Variants in PLEKHD1 observed in about 807,000 individuals in gnomAD.
The protein encoded by PLEKHD1 is pleckstrin homology domain-containing family D member 1.
Under a neutral mutation model 69.2 loss-of-function variants are expected in PLEKHD1, and 51 were observed. The ratio of observed to expected loss-of-function variants is 0.74; its 90% CI spans 0.59 to 0.93. PLEKHD1 has a LOEUF of 0.93. Among genes scored for constraint, PLEKHD1 ranks in the 40% least tolerant of loss-of-function variants. The probability of loss-of-function intolerance (pLI) is 0.00; values close to 1 mark genes in which losing one functional copy is unlikely to be tolerated. For synonymous variants in PLEKHD1, 236 were observed against 244.7 expected (o/e 0.96, Z 0.33); for missense variants, 584 against 641.0 (o/e 0.91, Z 0.96).
intron 1 of PLEKHD1, among the ~76,000 whole-genome samples, chr14:69,494,140 A>C (rs1465554095): frequency 6.6e-6 from 1 of 152,222 alleles, no homozygotes; most frequent in Non-Finnish European, 1.5e-5. Context: ...AAAAGTAATC[A>C]TTTATTAAAT....
intron 6 of PLEKHD1, among the ~76,000 whole-genome samples, chr14:69,506,233 T>C (rs1032790583): frequency 1.3e-5 from 2 of 152,248 alleles, no homozygotes; most frequent in Non-Finnish European, 2.9e-5. Flanking sequence ...TGAGCTGAAG[T>C]GTGCCTTCTA....
intron 1 of PLEKHD1, among the ~76,000 whole-genome samples, chr14:69,497,250 C>T (rs1882909138): frequency 6.6e-6 from 1 of 152,238 alleles, no homozygotes; most frequent in Non-Finnish European, 1.5e-5. Context: ...GGAAAGCTGA[C>T]TTGCCGAAGG....
chr14:69,490,747 T>C (rs1882760692), intron 1 of PLEKHD1, among the ~76,000 whole-genome samples: 1 of 152,182 alleles, frequency 6.6e-6, no homozygotes, highest in Non-Finnish European at 1.5e-5. Flanking sequence ...CCATCCAGAA[T>C]GGACACAAGG....
chr14:69,528,415 A>G lies in PLEKHD1; in HGVS notation c.1517A>G (p.Lys506Arg). The change falls in exon 13 of 13, where the codon AAG becomes AGG. Residue 506 changes from lysine (K) to arginine (R), a missense_variant. Coordinates refer to ENST00000322564, the MANE Select transcript of PLEKHD1 (RefSeq NM_001161498.2). ...CCCTCGGCACTCTCCCGGGGTGGAAAGTGATGGGCGCTCCTCCCCTGCTTC... is the reference window on the plus strand; with the variant it reads ...CCCTCGGCACTCTCCCGGGGTGGAAGGTGATGGGCGCTCCTCCCCTGCTTC... ...GAPSALSRGGK is the reference protein window; with the variant it reads ...GAPSALSRGGR The G allele has an allele frequency of 6.5e-7, 1 of 1,550,382 alleles. No individual in the cohort carries two copies. Among genetic ancestry groups the G allele is most frequent in the East Asian group, 2.4e-5 (1 of 40,902 alleles).
intron 6 of PLEKHD1, among the ~76,000 whole-genome samples, chr14:69,520,810 CA>C (rs1253758442): frequency 6.6e-6 from 1 of 152,200 alleles, no homozygotes; most frequent in Non-Finnish European, 1.5e-5. Flanking sequence ...GTTGCCATGG[CA>C]GGGGGAAGGG....
intron 1 of PLEKHD1, 140 bp downstream of exon 1, chr14:69,485,254 T>C: frequency 9.3e-7 from 1 of 1,070,254 alleles, no homozygotes; most frequent in Non-Finnish European, 1.3e-6. Flanking sequence ...CTACACTGGC[T>C]CCCGCAGGAA....
At chr14:69,481,658 C>T (rs138184189), upstream of PLEKHD1, among the ~76,000 whole-genome samples, 368 of 152,230 alleles carry the variant, frequency 2.4e-3, 1 homozygote, top group African/African-American at 7.6e-3. Context: ...ACGTAGACAA[C>T]GCTTTTGAAC....
chr14:69,493,907 G>T (rs925887208), intron 1 of PLEKHD1, among the ~76,000 whole-genome samples: 2 of 152,190 alleles, frequency 1.3e-5, no homozygotes, highest in African/African-American at 4.8e-5. Context: ...ATTGATGTTG[G>T]GTCTGGAAGG....
chr14:69,516,562 G>A (rs553983086), intron 6 of PLEKHD1, among the ~76,000 whole-genome samples: 63 of 152,212 alleles, frequency 4.1e-4, no homozygotes, highest in African/African-American at 1.5e-3. Context: ...TTCATTGTAT[G>A]TGATGTTTTA....
intron 6 of PLEKHD1, among the ~76,000 whole-genome samples, chr14:69,513,118 C>T (rs1883306461): frequency 6.6e-6 from 1 of 151,892 alleles, no homozygotes; most frequent in Non-Finnish European, 1.5e-5. Context: ...ACTCAGGAGG[C>T]TGAGGCGGGA....
chr14:69,480,611 T>G (rs1882524336), upstream of PLEKHD1, among the ~76,000 whole-genome samples: 1 of 152,200 alleles, frequency 6.6e-6, no homozygotes, highest in South Asian at 2.1e-4. Flanking sequence ...TCCTGCCCAT[T>G]CCTGGTTTTA....
intron 5 of PLEKHD1, chr14:69,502,391 G>A (rs1260689039): frequency 8.6e-6 from 2 of 233,896 alleles, no homozygotes; most frequent in Non-Finnish European, 1.7e-5. Flanking sequence ...ATGAGACTGA[G>A]GGTTTGCCTT....
chr14:69,522,624 G>T (rs1883543479), intron 7 of PLEKHD1, among the ~76,000 whole-genome samples: 2 of 152,054 alleles, frequency 1.3e-5, no homozygotes, highest in Admixed American at 1.3e-4. Context: ...AGGCAATGGA[G>T]CATCCCTCCA....
the PLEKHD1 span, among the ~76,000 whole-genome samples, chr14:69,476,712 C>T: frequency 6.6e-6 from 1 of 152,300 alleles, no homozygotes; most frequent in African/African-American, 2.4e-5. Context: ...CCTTCCCAGG[C>T]TAGCAGAACC....
intron 1 of PLEKHD1, among the ~76,000 whole-genome samples, chr14:69,489,583 GA>G (rs1024826106): frequency 9.9e-5 from 11 of 111,308 alleles, no homozygotes; most frequent in East Asian, 2.3e-4. Flanking sequence ...AAAAAAAAAG[GA>G]AAAAAAAAGA....
intron 6 of PLEKHD1, chr14:69,503,214 A>G (rs549207997): frequency 2.9e-6 from 1 of 350,180 alleles, no homozygotes; most frequent in East Asian, 6.6e-5. Context: ...GCCCTCTGTT[A>G]TCCATAGAGG....
chr14:69,468,820 A>T, the PLEKHD1 span, among the ~76,000 whole-genome samples: 755 of 152,296 alleles, frequency 5.0e-3, 7 homozygotes, highest in African/African-American at 0.018. Context: ...ATCTCAAGCC[A>T]TCCTCCTGCC....
At chr14:69,521,198 T>C (rs905770849) in intron 6 of PLEKHD1, among the ~76,000 whole-genome samples, 4 of 152,162 alleles carry the variant, frequency 2.6e-5, no homozygotes, top group Non-Finnish European at 5.9e-5. Flanking sequence ...GTGACAACAA[T>C]TGGCAAAAAC....
chr14:69,492,243 C>G (rs1275724), intron 1 of PLEKHD1, among the ~76,000 whole-genome samples: 2,003 of 152,302 alleles, frequency 0.013, 31 homozygotes, highest in African/African-American at 0.044. Flanking sequence ...TTCCCTCTGT[C>G]TGGAATGGAT....
Sources: gnomAD v4.1 joint callset for allele counts (sites outside exome capture counted in the v4.1 genomes callset) on GRCh38, gnomAD v4.1.1 for gene constraint, MANE v1.5 for transcripts, NCBI Gene and HGNC (gene_info 2026-07-23, HGNC 2026-07-21) for gene names.